PRKCB: variants seen among roughly 807,000 people sequenced by gnomAD.
PRKCB encodes the protein protein kinase C beta type.
PRKCB carries 13 observed loss-of-function variants against 81.5 expected under a neutral mutation model. The observed-to-expected ratio is 0.16, with a 90% confidence interval of 0.10 to 0.25. The LOEUF (loss-of-function observed/expected upper bound fraction) is 0.25. PRKCB is among the 10% of genes least tolerant of loss of function. The probability of loss-of-function intolerance (pLI) is 1.00; values close to 1 mark genes in which losing one functional copy is unlikely to be tolerated. For synonymous variants in PRKCB, 335 were observed against 321.4 expected (o/e 1.04, Z -0.45); for missense variants, 509 against 875.7 (o/e 0.58, Z 5.29).
chr16:24,146,658 C>T (rs1297466570), intron 9 of PRKCB, among the ~76,000 whole-genome samples: 1 of 152,206 alleles, frequency 6.6e-6, no homozygotes, highest in African/African-American at 2.4e-5. Context: ...ACAAACTTTC[C>T]AGCCAGGAAT....
At chr16:24,104,105 A>T (rs959982256) in intron 7 of PRKCB, among the ~76,000 whole-genome samples, 4 of 152,188 alleles carry the variant, frequency 2.6e-5, no homozygotes, top group Non-Finnish European at 5.9e-5. Context: ...ACGCCCAGCT[A>T]AGGTCCAGAT....
chr16:24,114,514 C>A (rs1376110881), intron 8 of PRKCB, among the ~76,000 whole-genome samples: 1 of 152,032 alleles, frequency 6.6e-6, no homozygotes, highest in East Asian at 2.0e-4. Flanking sequence ...CTGCTCCTAC[C>A]TGAAATAAAT....
intron 5 of PRKCB, among the ~76,000 whole-genome samples, chr16:24,040,461 C>T (rs544586979): frequency 1.3e-5 from 2 of 152,278 alleles, no homozygotes; most frequent in African/African-American, 2.4e-5. Context: ...TTCCCCCTTT[C>T]GTAGACACTC....
intron 2 of PRKCB, among the ~76,000 whole-genome samples, chr16:23,960,377 C>G (rs929803869): frequency 2.0e-5 from 3 of 152,090 alleles, no homozygotes; most frequent in African/African-American, 7.2e-5. Context: ...ACTTTTACTT[C>G]TTTGCTTTCT....
At chr16:24,023,164 G>T (rs575758737) in intron 3 of PRKCB, among the ~76,000 whole-genome samples, 1 of 151,966 alleles carries the variant, frequency 6.6e-6, no homozygotes, top group South Asian at 2.1e-4. Context: ...GGGCTCAAGC[G>T]ATCTTCCCAC....
At chr16:24,166,043 T>C (rs1469741004) in intron 10 of PRKCB, among the ~76,000 whole-genome samples, 4 of 151,952 alleles carry the variant, frequency 2.6e-5, no homozygotes, top group African/African-American at 9.7e-5. Context: ...TGTGTCACCA[T>C]ACCTGGCTAA....
chr16:24,155,581 T>C (rs1026278221), intron 10 of PRKCB, among the ~76,000 whole-genome samples: 1 of 152,298 alleles, frequency 6.6e-6, no homozygotes, highest in Non-Finnish European at 1.5e-5. Context: ...TCAGGGCCAA[T>C]GACCTGGTGA....
intron 2 of PRKCB, among the ~76,000 whole-genome samples, chr16:23,876,593 A>AG (rs398119302): frequency 2.0e-5 from 3 of 150,530 alleles, no homozygotes; most frequent in African/African-American, 7.3e-5. Context: ...AAAAAAAAAA[A>AG]TGACATTTGC....
intron 5 of PRKCB, among the ~76,000 whole-genome samples, chr16:24,064,574 G>C (rs552461774): frequency 3.9e-5 from 6 of 152,278 alleles, no homozygotes; most frequent in African/African-American, 1.4e-4. Context: ...GCCATATTGT[G>C]TGTGTGTAAA....
At chr16:23,967,255 T>C (rs1964500700) in intron 2 of PRKCB, among the ~76,000 whole-genome samples, 1 of 152,186 alleles carries the variant, frequency 6.6e-6, no homozygotes, top group Admixed American at 6.5e-5. Flanking sequence ...TGAGTTAGAA[T>C]ATTCCTTCTC....
chr16:23,837,552 G>A, intron 2 of PRKCB, 146 bp downstream of exon 2: 1 of 1,045,282 alleles, frequency 9.6e-7, no homozygotes, highest in African/African-American at 1.6e-5. Flanking sequence ...ACCACAACAG[G>A]GTCCTTTCAA....
chr16:24,168,529 T>TTTC (rs112600217), intron 10 of PRKCB, among the ~76,000 whole-genome samples: 45,664 of 132,232 alleles, frequency 0.35, 9,496 homozygotes, highest in African/African-American at 0.49. Flanking sequence ...ATTATTTTTC[T>TTTC]TTCTTCTTCT....
At chr16:23,947,466 A>G (rs1399164251) in intron 2 of PRKCB, among the ~76,000 whole-genome samples, 3 of 152,176 alleles carry the variant, frequency 2.0e-5, no homozygotes, top group South Asian at 4.1e-4. Flanking sequence ...TCCCCTTTTT[A>G]GATTCAATTT....
At chr16:23,856,272 C>T (rs1962565414) in intron 2 of PRKCB, among the ~76,000 whole-genome samples, 1 of 152,180 alleles carries the variant, frequency 6.6e-6, no homozygotes, top group Non-Finnish European at 1.5e-5. Context: ...TCCTGAGTCA[C>T]AGGAGATTCC....
chr16:24,089,583 A>G (rs1966350703), intron 5 of PRKCB, among the ~76,000 whole-genome samples: 1 of 152,188 alleles, frequency 6.6e-6, no homozygotes, highest in African/African-American at 2.4e-5. Flanking sequence ...AGTCTGGGCA[A>G]CATAGAGAGA....
intron 8 of PRKCB, among the ~76,000 whole-genome samples, chr16:24,115,226 A>C (rs1966722978): frequency 8.0e-6 from 1 of 125,734 alleles, no homozygotes; most frequent in South Asian, 2.6e-4. Context: ...ATTTATCCCA[A>C]GGACTTTAGC....
chr16:24,216,257 C>A lies in PRKCB; in HGVS notation c.*1441C>A, dbSNP rs1346961526. On this transcript the variant is annotated 3_prime_UTR_variant, in exon 17 of 17. Transcript: ENST00000643927. The stretch of plus-strand genomic sequence containing the variant: ...TGGAGCCCAAAGTCAAGTTTAGAGA[C>A]CAGCTGGGAACGTGAATGGGGCTCT... The A allele has an allele frequency of 5.1e-6, 5 of 985,274 alleles. No individual in the cohort carries two copies. The highest frequency in any genetic ancestry group is 6.0e-6 in the Non-Finnish European group (5 of 829,938). The allele number at this position is 985,274 out of a possible 1,614,324, so 61.0% of individuals were successfully genotyped here. A position where few individuals can be genotyped will look rare whatever the true frequency, so the allele number is the denominator to read the frequency against.
intron 10 of PRKCB, among the ~76,000 whole-genome samples, chr16:24,164,075 T>C (rs1332649138): frequency 6.6e-6 from 1 of 152,204 alleles, no homozygotes; most frequent in Non-Finnish European, 1.5e-5. Flanking sequence ...CAACTTCCCT[T>C]GGAGCATGGT....
chr16:24,204,473 C>G (rs1355259722), intron 16 of PRKCB, among the ~76,000 whole-genome samples: 1 of 152,094 alleles, frequency 6.6e-6, no homozygotes, highest in Non-Finnish European at 1.5e-5. Context: ...CCTTTTCCTG[C>G]CTATCTCACA....
Sources: allele counts gnomAD v4.1 joint callset (sites outside exome capture counted in the v4.1 genomes callset), GRCh38; gene constraint gnomAD v4.1.1; transcripts MANE v1.5; gene names NCBI Gene and HGNC (gene_info 2026-07-23, HGNC 2026-07-21).